The following FHIP1A variants were observed in gnomAD, a reference collection of about 807,000 sequenced individuals.
FHIP1A encodes the protein FHF complex subunit HOOK-interacting protein 1A.
FHIP1A carries 61 observed loss-of-function variants against 88.6 expected under a neutral mutation model. The observed-to-expected ratio is 0.69, with a 90% CI of 0.56 to 0.85. The LOEUF is 0.85. FHIP1A is among the 40% of genes least tolerant of loss of function. The pLI is 0.00. For synonymous variants in FHIP1A, 478 were observed against 496.0 expected (o/e 0.96, Z 0.48); for missense variants, 1,154 against 1,273.5 (o/e 0.91, Z 1.43).
At chr4:151,500,486 A>G (rs1302144405) in intron 3 of FHIP1A, among the ~76,000 whole-genome samples, 8 of 150,258 alleles carry the variant, frequency 5.3e-5, no homozygotes, top group Admixed American at 5.3e-4. Flanking sequence ...CTGGGTTTGA[A>G]TCCTGACCCC....
intron 7 of FHIP1A, among the ~76,000 whole-genome samples, chr4:151,592,837 C>T (rs1734490012): frequency 1.3e-5 from 2 of 152,144 alleles, no homozygotes; most frequent in Non-Finnish European, 2.9e-5. Flanking sequence ...AGTCTTTGCC[C>T]ATGCCTGTGT....
intron 7 of FHIP1A, among the ~76,000 whole-genome samples, chr4:151,622,377 T>A (rs1735780510): frequency 6.6e-6 from 1 of 152,220 alleles, no homozygotes. Flanking sequence ...TCGACTAAGC[T>A]GTGTTGCTGA....
intron 7 of FHIP1A, among the ~76,000 whole-genome samples, chr4:151,592,241 T>C (rs1734464924): frequency 6.6e-6 from 1 of 152,156 alleles, no homozygotes; most frequent in African/African-American, 2.4e-5. Context: ...TTCATGCGAT[T>C]CTCCTGCCTC....
intron 1 of FHIP1A, among the ~76,000 whole-genome samples, chr4:151,417,696 C>T (rs1299188811): frequency 6.6e-6 from 1 of 152,150 alleles, no homozygotes; most frequent in Non-Finnish European, 1.5e-5. Context: ...TCTTCTGCCT[C>T]AGTAGGATTA....
chr4:151,460,978 T>G (rs774578045), intron 2 of FHIP1A, among the ~76,000 whole-genome samples: 2 of 152,194 alleles, frequency 1.3e-5, no homozygotes, highest in Non-Finnish European at 2.9e-5. Context: ...CTTTTGTGCC[T>G]TTTTGCATTT....
At chr4:151,494,314 T>G (rs542287816) in intron 3 of FHIP1A, among the ~76,000 whole-genome samples, 1 of 152,210 alleles carries the variant, frequency 6.6e-6, no homozygotes, top group African/African-American at 2.4e-5. Flanking sequence ...GGTTTTACAC[T>G]TAAGTCTTTA....
intron 8 of FHIP1A, among the ~76,000 whole-genome samples, chr4:151,631,353 G>A (rs1736151557): frequency 6.6e-6 from 1 of 152,052 alleles, no homozygotes; most frequent in Non-Finnish European, 1.5e-5. Flanking sequence ...GCAACTATAT[G>A]CCAAAGGATG....
chr4:151,496,717 T>A lies in FHIP1A; in HGVS notation c.-123+14069T>A, dbSNP rs1011280937. 1.0e-2 allele frequency among the ~76,000 whole-genome samples: 633 copies of A among 63,304 alleles called. 6 individuals carry two copies. Among genetic ancestry groups the A allele is most frequent in the Non-Finnish European group, 0.013 (339 of 26,836 alleles). The allele number at this position is 63,304 out of a possible 152,430, so 41.5% of individuals were successfully genotyped here. ...ACAGGAGCATACCACCACGTCCAGC[T>A]TTTTTTTTTTTTTTTTGTATTTTTG... is the stretch of plus-strand genomic sequence containing the variant. On this transcript the variant is annotated intron_variant, in intron 3 of 13. Coordinates refer to ENST00000435205, the MANE Select transcript of FHIP1A (RefSeq NM_001109977.3).
intron 2 of FHIP1A, among the ~76,000 whole-genome samples, chr4:151,459,968 G>T (rs1729092215): frequency 6.6e-6 from 1 of 152,116 alleles, no homozygotes; most frequent in Admixed American, 6.6e-5. Context: ...ATGGACAAAT[G>T]AAATAAAGGG....
At chr4:151,562,005 T>C (rs1245149472) in intron 3 of FHIP1A, among the ~76,000 whole-genome samples, 1 of 152,190 alleles carries the variant, frequency 6.6e-6, no homozygotes, top group East Asian at 1.9e-4. Context: ...AATCCTACTT[T>C]AGTTGTAACT....
chr4:151,586,060 A>G (rs1734198620), intron 5 of FHIP1A, among the ~76,000 whole-genome samples: 1 of 152,096 alleles, frequency 6.6e-6, no homozygotes, highest in African/African-American at 2.4e-5. Flanking sequence ...ATGAGAAAAT[A>G]TACGTGGAAG....
chr4:151,420,509 C>T (rs186565271), intron 1 of FHIP1A, among the ~76,000 whole-genome samples: 1 of 152,306 alleles, frequency 6.6e-6, no homozygotes, highest in African/African-American at 2.4e-5. Flanking sequence ...TCTTCCAAGC[C>T]TAGTTCAGAG....
At chr4:151,642,455 A>AAACAACAAC (rs201679670) in intron 9 of FHIP1A, among the ~76,000 whole-genome samples, 1 of 151,710 alleles carries the variant, frequency 6.6e-6, no homozygotes, top group Non-Finnish European at 1.5e-5. Context: ...GAGGAAAGGA[A>AAACAACAAC]AACAACAACA....
intron 3 of FHIP1A, among the ~76,000 whole-genome samples, chr4:151,521,689 G>T (rs1248513066): frequency 3.4e-5 from 2 of 58,908 alleles, no homozygotes; most frequent in South Asian, 9.3e-4. Flanking sequence ...ATGTATGTAT[G>T]TATGTATGTA....
chr4:151,448,108 G>A (rs538225413), intron 1 of FHIP1A, among the ~76,000 whole-genome samples: 34 of 151,674 alleles, frequency 2.2e-4, no homozygotes, highest in African/African-American at 8.2e-4. Context: ...TAGTAGAGAT[G>A]GCATTTCACC....
intron 2 of FHIP1A, among the ~76,000 whole-genome samples, chr4:151,455,983 A>C (rs2126590294): frequency 6.6e-6 from 1 of 152,342 alleles, no homozygotes; most frequent in South Asian, 2.1e-4. Flanking sequence ...TCCTGTTCTA[A>C]CTTTGCCCAC....
chr4:151,558,405 G>A (rs1733037731), intron 3 of FHIP1A, among the ~76,000 whole-genome samples: 1 of 151,954 alleles, frequency 6.6e-6, no homozygotes, highest in African/African-American at 2.4e-5. Flanking sequence ...GCGTGGTGGT[G>A]CACGCCTGTA....
intron 6 of FHIP1A, 141 bp downstream of exon 6, chr4:151,586,940 TC>T: frequency 5.2e-6 from 3 of 582,088 alleles, no homozygotes; most frequent in Non-Finnish European, 5.3e-6. Context: ...CAATTGAATG[TC>T]CTTGAATGAG....
chr4:151,637,180 G>A (rs967787976), intron 8 of FHIP1A, among the ~76,000 whole-genome samples: 1 of 152,054 alleles, frequency 6.6e-6, no homozygotes, highest in African/African-American at 2.4e-5. Context: ...ATGGACCAAA[G>A]ACCTAAATGT....
Sources: gnomAD v4.1 joint callset for allele counts (sites outside exome capture counted in the v4.1 genomes callset) on GRCh38, gnomAD v4.1.1 for gene constraint, MANE v1.5 for transcripts, NCBI Gene and HGNC (gene_info 2026-07-23, HGNC 2026-07-21) for gene names.